The following RBFOX1 variants were observed in gnomAD, a reference collection of about 807,000 sequenced individuals.
RBFOX1 encodes RNA binding protein fox-1 homolog 1.
Under a neutral mutation model 57.7 loss-of-function variants are expected in RBFOX1, and 8 were observed. The observed-to-expected ratio is 0.14, with a 90% CI of 0.08 to 0.25. The LOEUF (loss-of-function observed/expected upper bound fraction) is 0.25, where lower values mean the gene tolerates loss of function less well. Ranked by LOEUF, RBFOX1 falls within the 10% of genes least tolerant of loss-of-function variation. The pLI is 1.00. For synonymous variants in RBFOX1, 326 were observed against 222.4 expected, an observed-to-expected ratio of 1.47 and a Z score of -4.15; for missense variants, 611 against 548.5, an observed-to-expected ratio of 1.11 and a Z score of -1.14.
chr16:6,533,415 C>A (rs1415733290), intron 2 of RBFOX1, among the ~76,000 whole-genome samples: 1 of 152,152 alleles, frequency 6.6e-6, no homozygotes, highest in African/African-American at 2.4e-5. Flanking sequence ...CTGTTACCAG[C>A]ACTGTGATCA....
At chr16:5,529,943 C>G (rs1460329237) in intron 2 of RBFOX1, among the ~76,000 whole-genome samples, 1 of 152,150 alleles carries the variant, frequency 6.6e-6, no homozygotes, top group Admixed American at 6.5e-5. Context: ...GCTGCCACAA[C>G]TCGAGGAACA....
intron 3 of RBFOX1, among the ~76,000 whole-genome samples, chr16:6,836,277 A>T (rs1349846772): frequency 1.3e-5 from 2 of 152,246 alleles, no homozygotes; most frequent in East Asian, 3.8e-4. Context: ...CTGTTTTACA[A>T]GCAATGAGAT....
intron 4 of RBFOX1, among the ~76,000 whole-genome samples, chr16:7,275,683 T>A (rs1282914576): frequency 6.6e-6 from 1 of 152,206 alleles, no homozygotes; most frequent in Non-Finnish European, 1.5e-5. Context: ...CTGGACACAC[T>A]CTCTCCCAGG....
chr16:5,422,674 A>G, intron 1 of RBFOX1, among the ~76,000 whole-genome samples: 2 of 87,088 alleles, frequency 2.3e-5, no homozygotes, highest in Non-Finnish European at 4.5e-5. Flanking sequence ...AGGGGGAGGG[A>G]GAGGGAGCAG....
chr16:6,953,692 C>T (rs572094812), intron 3 of RBFOX1, among the ~76,000 whole-genome samples: 12 of 152,216 alleles, frequency 7.9e-5, no homozygotes, highest in Admixed American at 1.3e-4. Context: ...CAGCCTCACA[C>T]GCACACGATA....
At position 7,538,430 on chromosome 16, in the gene RBFOX1, C is replaced by T. The variant is rs141671519; in HGVS notation, c.270+20041C>T. 7.2e-4 allele frequency among the ~76,000 whole-genome samples: 110 copies of T among 152,192 alleles called. 1 individual carries two copies. The highest frequency in any genetic ancestry group is 2.6e-3 in the African/African-American group (108 of 41,530). On this transcript the variant is annotated intron_variant, in intron 5 of 15. Coordinates refer to ENST00000550418, the MANE Select transcript of RBFOX1 (RefSeq NM_018723.4). ...TTGAGGAAAATGTAATTCTCCTCAA[C>T]TTCTATTACTATTATAGTGTTGCTG...
chr16:7,251,103 GA>G (rs1389598719), intron 4 of RBFOX1, among the ~76,000 whole-genome samples: 1 of 152,038 alleles, frequency 6.6e-6, no homozygotes, highest in Non-Finnish European at 1.5e-5. Context: ...AAGATTTCTT[GA>G]AACTATTCCT....
At chr16:5,295,025 TAAA>T (rs34929778) in intron 1 of RBFOX1, among the ~76,000 whole-genome samples, 10 of 80,378 alleles carry the variant, frequency 1.2e-4, no homozygotes, top group African/African-American at 3.3e-4. Flanking sequence ...GTGAGACTCT[TAAA>T]AAAAAAAAAA....
At chr16:6,325,492 C>T (rs1244086823) in intron 2 of RBFOX1, among the ~76,000 whole-genome samples, 1 of 152,164 alleles carries the variant, frequency 6.6e-6, no homozygotes, top group Non-Finnish European at 1.5e-5. Flanking sequence ...TGAAGAAAAA[C>T]AGTAATGATA....
At chr16:7,208,751 T>C (rs1160332941) in intron 4 of RBFOX1, among the ~76,000 whole-genome samples, 1 of 152,094 alleles carries the variant, frequency 6.6e-6, no homozygotes, top group East Asian at 1.9e-4. Context: ...GCAAGAAGAT[T>C]ATTTGAGTCC....
chr16:5,652,563 A>G (rs1392900731), intron 3 of RBFOX1, among the ~76,000 whole-genome samples: 1 of 152,182 alleles, frequency 6.6e-6, no homozygotes, highest in Non-Finnish European at 1.5e-5. Context: ...CGCCAAGGCC[A>G]TACCATCCAG....
intron 4 of RBFOX1, among the ~76,000 whole-genome samples, chr16:7,290,801 C>G (rs939042676): frequency 2.0e-5 from 3 of 152,164 alleles, no homozygotes; most frequent in African/African-American, 7.2e-5. Flanking sequence ...TTAACACTCG[C>G]TGTAATGTTT....
At chr16:7,670,186 G>A (rs376387422) in intron 13 of RBFOX1, among the ~76,000 whole-genome samples, 2 of 152,082 alleles carry the variant, frequency 1.3e-5, no homozygotes, top group East Asian at 1.9e-4. Context: ...CATGCACCAC[G>A]ACGCCTGGCT....
upstream of RBFOX1, among the ~76,000 whole-genome samples, chr16:6,018,899 AG>A (rs1170901337): frequency 5.9e-5 from 9 of 151,950 alleles, no homozygotes; most frequent in Admixed American, 4.6e-4. Flanking sequence ...CCTTTAGGCC[AG>A]GAGACCAGGG....
chr16:7,223,943 G>A (rs2092920454), intron 4 of RBFOX1, among the ~76,000 whole-genome samples: 1 of 151,732 alleles, frequency 6.6e-6, no homozygotes. Flanking sequence ...TACCAGGATA[G>A]GCACACCTCA....
chr16:5,664,220 C>G (rs1201252453), intron 3 of RBFOX1, among the ~76,000 whole-genome samples: 1 of 152,150 alleles, frequency 6.6e-6, no homozygotes, highest in Non-Finnish European at 1.5e-5. Context: ...GTTCTCGAGC[C>G]AAGCTGTGCA....
At chr16:7,295,317 T>A (rs527830600) in intron 4 of RBFOX1, among the ~76,000 whole-genome samples, 3 of 152,302 alleles carry the variant, frequency 2.0e-5, no homozygotes, top group Admixed American at 6.5e-5. Flanking sequence ...AGTCCTTCCA[T>A]AAATGTATTG....
chr16:7,197,522 T>TA lies in RBFOX1; in HGVS notation c.27+145431dup, dbSNP rs1304801935. On this transcript the variant is annotated intron_variant, in intron 4 of 15. Transcript: ENST00000550418. ...AGTGTAAAACTGTGTGGCCATGCCT[T>TA]AAAAAAAGTTAAACATAAAATTACC... is the stretch of plus-strand genomic sequence containing the variant. Among the ~76,000 whole-genome samples, 5 of 151,108 alleles carry TA rather than the reference T, an allele frequency of 3.3e-5. No homozygotes were observed. In the East Asian group the frequency reaches 5.8e-4, roughly 18 times the overall value.
chr16:7,462,038 G>A (rs920794288), intron 4 of RBFOX1, among the ~76,000 whole-genome samples: 1 of 152,226 alleles, frequency 6.6e-6, no homozygotes, highest in Non-Finnish European at 1.5e-5. Context: ...GGACAGGCCA[G>A]TGAGCTGTGG....
Sources: gnomAD v4.1 joint callset for allele counts (sites outside exome capture counted in the v4.1 genomes callset) on GRCh38, gnomAD v4.1.1 for gene constraint, MANE v1.5 for transcripts, NCBI Gene and HGNC (gene_info 2026-07-23, HGNC 2026-07-21) for gene names.